GPAT3: variants seen among roughly 807,000 people sequenced by gnomAD.
The protein encoded by GPAT3 is glycerol-3-phosphate acyltransferase 3.
GPAT3 carries 53 observed loss-of-function variants against 58.8 expected under a neutral mutation model. The ratio of observed to expected loss-of-function variants is 0.90; its 90% CI spans 0.72 to 1.13. GPAT3 has a LOEUF of 1.13. Ranked by LOEUF, GPAT3 falls within the 50% of genes most tolerant of loss-of-function variation. The pLI is 0.00. For missense variants in GPAT3, 511 were observed against 527.6 expected, an observed-to-expected ratio of 0.97 and a Z score of 0.31; for synonymous variants, 197 against 187.4, an observed-to-expected ratio of 1.05 and a Z score of -0.42.
intron 2 of GPAT3, among the ~76,000 whole-genome samples, chr4:83,566,665 T>C (rs909282515): frequency 1.3e-5 from 2 of 151,574 alleles, no homozygotes; most frequent in African/African-American, 4.8e-5. Flanking sequence ...TTTATTGGAG[T>C]TGTATTAAGT....
chr4:83,536,909 C>A, intron 1 of GPAT3, 146 bp downstream of exon 1: 2 of 758,884 alleles, frequency 2.6e-6, no homozygotes, highest in Non-Finnish European at 4.1e-6. Context: ...TTGCCCGCAG[C>A]AGTGCGAAAG....
chr4:83,547,300 T>A (rs993639949), intron 2 of GPAT3, among the ~76,000 whole-genome samples: 3 of 141,718 alleles, frequency 2.1e-5, no homozygotes, highest in African/African-American at 8.3e-5. Flanking sequence ...TCACCCAGGC[T>A]GGAGTGCAGT....
At chr4:83,553,121 C>G (rs909388154) in intron 2 of GPAT3, among the ~76,000 whole-genome samples, 16 of 152,190 alleles carry the variant, frequency 1.1e-4, no homozygotes, top group African/African-American at 3.6e-4. Context: ...GTGCTCTAAA[C>G]CTCTGAAAGT....
In GPAT3 at chr4:83,552,078, C is replaced by G. The variant is rs142725221; in HGVS notation, c.208+7476C>G. Among the ~76,000 whole-genome samples the G allele has an allele frequency of 2.6e-5, 4 of 152,234 alleles. No individual in the cohort carries two copies. The East Asian group carries it at 7.7e-4, about 29-fold the overall frequency. On this transcript the variant is annotated intron_variant, in intron 2 of 11. Coordinates refer to ENST00000264409, the MANE Select transcript of GPAT3 (RefSeq NM_032717.5). ...TGCTCCAAAACACAGCTCCATTCAGCCTGACCAGTGCCTGGAATTTAAACT... is the reference window on the plus strand; with the variant it reads ...TGCTCCAAAACACAGCTCCATTCAGGCTGACCAGTGCCTGGAATTTAAACT...
rs540259497 is a variant in GPAT3, at chr4:83,596,630, C to CA, written c.855-220dup. Reference sequence around the variant, plus strand: ...GAGTGAGACCCCATCCCCCACCCACCAAAAAAAAGAAAAAAGACTTACTTT... The same window carrying CA: ...GAGTGAGACCCCATCCCCCACCCACCAAAAAAAAAGAAAAAAGACTTACTTT... On this transcript the variant is annotated intron_variant, in intron 7 of 11. Transcript: ENST00000264409. Among the ~76,000 whole-genome samples the CA allele has an allele frequency of 5.4e-3, 816 of 150,226 alleles. 9 individuals are homozygous for CA. The highest frequency in any genetic ancestry group is 0.019 in the African/African-American group (765 of 40,994).
At chr4:83,588,527 T>C (rs1204698484) in intron 5 of GPAT3, among the ~76,000 whole-genome samples, 1 of 152,176 alleles carries the variant, frequency 6.6e-6, no homozygotes, top group African/African-American at 2.4e-5. Flanking sequence ...TAATTGGGCA[T>C]TTATGGTGTG....
In GPAT3 at chr4:83,579,052, TTCTTTCTTTCTTTCTTTCTTTCTTTCTTC is replaced by T. The variant is rs1456260550; in HGVS notation, c.209-2509_209-2481del. Among the ~76,000 whole-genome samples, 323 of 38,530 alleles carry T rather than the reference TTCTTTCTTTCTTTCTTTCTTTCTTTCTTC, an allele frequency of 8.4e-3. 3 individuals carry two copies. Among genetic ancestry groups the T allele is most frequent in the African/African-American group, 0.029 (275 of 9,442 alleles). 25.3% of individuals were successfully genotyped at this position (38,530 alleles called of 152,430 possible). On this transcript the variant is annotated intron_variant, in intron 2 of 11. Transcript: ENST00000264409. ...TTTCTTTCTTTCTTTCTTTCTTTCT[TTCTTTCTTTCTTTCTTTCTTTCTTTCTTC>T]CCTTCCTTCCTTCCTTCCTTCCTTC...
Position 83,604,803 on chromosome 4 carries a change from C to T in GPAT3, c.*36C>T. On this transcript the variant is annotated 3_prime_UTR_variant, in exon 12 of 12. Transcript: ENST00000264409. ...GACAGCCTTTAGATCTAGAACTAGC[C>T]CTTAGAAATGGAATGGCTTTTTTTG... is the stretch of plus-strand genomic sequence containing the variant. The T allele has an allele frequency of 1.3e-6, 2 of 1,512,444 alleles. No homozygotes were observed. Among genetic ancestry groups the T allele is most frequent in the Non-Finnish European group, 1.8e-6 (2 of 1,105,344 alleles). 93.7% of individuals were successfully genotyped at this position (1,512,444 alleles called of 1,614,324 possible).
At chr4:83,590,497 G>A (rs1726555098) in intron 6 of GPAT3, among the ~76,000 whole-genome samples, 1 of 152,124 alleles carries the variant, frequency 6.6e-6, no homozygotes, top group Non-Finnish European at 1.5e-5. Context: ...TATTTAAGAT[G>A]GTAAAAAATT....
At chr4:83,547,227 A>G (rs751894469) in intron 2 of GPAT3, among the ~76,000 whole-genome samples, 40 of 151,084 alleles carry the variant, frequency 2.6e-4, no homozygotes, top group Non-Finnish European at 4.7e-4. Context: ...TCTGCACTGA[A>G]AAACTTCCTT....
chr4:83,596,812 C>G, intron 7 of GPAT3, 46 bp from the exon 8 acceptor site: 2 of 1,467,160 alleles, frequency 1.4e-6, no homozygotes, highest in East Asian at 2.3e-5. Flanking sequence ...GGACATCCAC[C>G]TCTCTCTTTA....
At chr4:83,570,223 A>G (rs984729058) in intron 2 of GPAT3, among the ~76,000 whole-genome samples, 50 of 152,180 alleles carry the variant, frequency 3.3e-4, no homozygotes, top group African/African-American at 1.2e-3. Context: ...GCCCCAGGCA[A>G]GTTACTCAAC....
At chr4:83,599,033 C>T (rs183207118) in intron 11 of GPAT3, among the ~76,000 whole-genome samples, 2 of 151,762 alleles carry the variant, frequency 1.3e-5, no homozygotes, top group African/African-American at 4.8e-5. Context: ...GAACTCCTGC[C>T]TAAGCCTTTC....
At chr4:83,585,048 G>C (rs926566706) in intron 3 of GPAT3, among the ~76,000 whole-genome samples, 1 of 152,166 alleles carries the variant, frequency 6.6e-6, no homozygotes, top group African/African-American at 2.4e-5. Context: ...ATGGGAACAA[G>C]TGATTCTCAT....
intron 4 of GPAT3, 57 bp from the exon 5 acceptor site, chr4:83,588,153 A>AT: frequency 6.8e-7 from 1 of 1,475,622 alleles, no homozygotes; most frequent in Non-Finnish European, 9.5e-7. Context: ...AACCTTTATT[A>AT]TATTGTTTCT....
chr4:83,562,216 T>TATATATA lies in GPAT3; in HGVS notation c.208+17615_208+17621dup, dbSNP rs1560611138. On this transcript the variant is annotated intron_variant, in intron 2 of 11. Coordinates refer to ENST00000264409, the MANE Select transcript of GPAT3 (RefSeq NM_032717.5). ...ATATATATAATATATATATATTATA[T>TATATATA]ATATATATAATATATATATAATATA... Among the ~76,000 whole-genome samples, 78 of 80,062 alleles carry TATATATA rather than the reference T, an allele frequency of 9.7e-4. 1 individual carries two copies. Among genetic ancestry groups the TATATATA allele is most frequent in the African/African-American group, 3.9e-3 (66 of 17,138 alleles). The allele number at this position is 80,062 out of a possible 152,430, so 52.5% of individuals were successfully genotyped here.
intron 2 of GPAT3, among the ~76,000 whole-genome samples, chr4:83,562,475 C>G (rs912022763): frequency 2.0e-5 from 3 of 150,968 alleles, no homozygotes; most frequent in Non-Finnish European, 4.4e-5. Flanking sequence ...AGAAAGGAGG[C>G]GTAGTAGACA....
chr4:83,574,595 T>G (rs1725717655), intron 2 of GPAT3, among the ~76,000 whole-genome samples: 1 of 144,486 alleles, frequency 6.9e-6, no homozygotes, highest in Non-Finnish European at 1.5e-5. Flanking sequence ...GGCTTTACCC[T>G]TTTAAAGCTG....
At chr4:83,586,033 G>T (rs1484385430) in intron 3 of GPAT3, among the ~76,000 whole-genome samples, 1 of 152,166 alleles carries the variant, frequency 6.6e-6, no homozygotes, top group East Asian at 1.9e-4. Context: ...GGGTGAGTTA[G>T]TTAGCCTTTC....
Sources: gnomAD v4.1 joint callset for allele counts (sites outside exome capture counted in the v4.1 genomes callset) on GRCh38, gnomAD v4.1.1 for gene constraint, MANE v1.5 for transcripts, NCBI Gene and HGNC (gene_info 2026-07-23, HGNC 2026-07-21) for gene names.